The following THSD7A variants were observed in gnomAD, a reference collection of about 807,000 sequenced individuals.
The protein encoded by THSD7A is thrombospondin type-1 domain-containing protein 7A.
A neutral mutation model predicts 231.3 loss-of-function variants in THSD7A; 96 were observed. The observed-to-expected ratio is 0.41, with a 90% CI of 0.35 to 0.49. THSD7A has a LOEUF of 0.49. THSD7A is among the 20% of genes least tolerant of loss of function. THSD7A has a pLI of 0.05. For synonymous variants in THSD7A, 940 were observed against 743.3 expected (o/e 1.26, Z -4.30); for missense variants, 2,290 against 2,070.2 (o/e 1.11, Z -2.06).
intron 1 of THSD7A, among the ~76,000 whole-genome samples, chr7:11,752,127 T>C (rs560972480): frequency 6.6e-6 from 1 of 152,170 alleles, no homozygotes; most frequent in Admixed American, 6.6e-5. Flanking sequence ...CGATTTCTGG[T>C]CAGATCATGA....
chr7:11,647,649 G>T (rs1448173513), intron 1 of THSD7A, among the ~76,000 whole-genome samples: 1 of 152,010 alleles, frequency 6.6e-6, no homozygotes, highest in Non-Finnish European at 1.5e-5. Flanking sequence ...CAAGAAACCA[G>T]GCATCTGCAA....
At chr7:11,810,563 G>T (rs1175480142) in intron 1 of THSD7A, among the ~76,000 whole-genome samples, 3 of 152,152 alleles carry the variant, frequency 2.0e-5, no homozygotes, top group African/African-American at 4.8e-5. Context: ...CAATGCTGCT[G>T]TTACTGTTAT....
At chr7:11,781,161 C>T (rs2128174691) in intron 1 of THSD7A, among the ~76,000 whole-genome samples, 1 of 151,998 alleles carries the variant, frequency 6.6e-6, no homozygotes, top group South Asian at 2.1e-4. Flanking sequence ...TAAAGGGAGG[C>T]CAGGTGCAGT....
At chr7:11,490,782 G>C (rs1447807202) in intron 6 of THSD7A, among the ~76,000 whole-genome samples, 1 of 151,862 alleles carries the variant, frequency 6.6e-6, no homozygotes, top group Non-Finnish European at 1.5e-5. Context: ...TCAAATTCTG[G>C]CTTCCCACTT....
chr7:11,521,423 A>C (rs1388280823), intron 6 of THSD7A, among the ~76,000 whole-genome samples: 1 of 151,430 alleles, frequency 6.6e-6, no homozygotes, highest in Non-Finnish European at 1.5e-5. Context: ...AGAGACACTG[A>C]AGTCACAAGC....
intron 1 of THSD7A, among the ~76,000 whole-genome samples, chr7:11,685,046 A>T (rs562449502): frequency 6.6e-6 from 1 of 152,130 alleles, no homozygotes; most frequent in East Asian, 1.9e-4. Context: ...TTGGAACAGA[A>T]TAGAGGACAC....
At chr7:11,630,479 C>T (rs1420919798) in intron 2 of THSD7A, among the ~76,000 whole-genome samples, 1 of 152,136 alleles carries the variant, frequency 6.6e-6, no homozygotes, top group African/African-American at 2.4e-5. Context: ...TTATAATATT[C>T]ACCCCTTCAT....
rs201432980 is a variant in THSD7A at position 11,474,351 on chromosome 7, G to A, written c.2235C>T (p.Gly745=). ...GCTCTTACTTTTTGGGTCCCACTTG[G>A]CCCACATTGACTCGCACACAGATGA... ...RKVICVRVNV[G]QVGPKKCPES... Residue 745 remains glycine, a synonymous_variant, in exon 8 of 28, where the codon GGC becomes GGT. Coordinates refer to ENST00000423059, the MANE Select transcript of THSD7A (RefSeq NM_015204.3). This position sits in a 1 kb window ranked among gnomAD's most constrained non-coding sequence, Gnocchi z 4.1. The A allele has an allele frequency of 6.2e-7, 1 of 1,611,624 alleles. No individual in the cohort carries two copies. Among genetic ancestry groups the A allele is most frequent in the African/African-American group, 1.3e-5 (1 of 74,836 alleles).
In THSD7A at chr7:11,452,827, G is replaced by T. The variant is rs117115784; in HGVS notation, c.2606-5403C>A. 7.5e-3 allele frequency among the ~76,000 whole-genome samples: 1,147 copies of T among 152,050 alleles called. 7 individuals are homozygous for T. Among genetic ancestry groups the T allele is most frequent in the Non-Finnish European group, 0.013 (872 of 67,964 alleles). On this transcript the variant is annotated intron_variant, in intron 11 of 27. Transcript: ENST00000423059. ...TTAACGAGGATGCTAATATTCATAG[G>T]AAGTTAAACATTTTAAAATATAAAT...
At chr7:11,778,840 A>C (rs1486815338) in intron 1 of THSD7A, among the ~76,000 whole-genome samples, 2 of 152,132 alleles carry the variant, frequency 1.3e-5, no homozygotes, top group African/African-American at 4.8e-5. Context: ...AAATCTATGC[A>C]CAAATAAATG....
At chr7:11,695,586 T>C (rs981509255) in intron 1 of THSD7A, among the ~76,000 whole-genome samples, 1 of 151,504 alleles carries the variant, frequency 6.6e-6, no homozygotes, top group Non-Finnish European at 1.5e-5. Flanking sequence ...TGAACTGAAC[T>C]CATATTATAG....
chr7:11,606,802 C>T (rs2128347084), intron 2 of THSD7A, among the ~76,000 whole-genome samples: 1 of 151,974 alleles, frequency 6.6e-6, no homozygotes, highest in South Asian at 2.1e-4. Context: ...TATTTGTAGG[C>T]TTGTATACTT....
intron 6 of THSD7A, among the ~76,000 whole-genome samples, chr7:11,507,131 C>T (rs1297181395): frequency 6.6e-6 from 1 of 152,128 alleles, no homozygotes; most frequent in Non-Finnish European, 1.5e-5. Flanking sequence ...CAGTGAGGTA[C>T]TATGGACCTT....
At chr7:11,756,942 A>C (rs571479041) in intron 1 of THSD7A, among the ~76,000 whole-genome samples, 79 of 152,124 alleles carry the variant, frequency 5.2e-4, no homozygotes, top group Non-Finnish European at 9.6e-4. Context: ...TTGCATGCTG[A>C]ATTCTGGCAT....
At chr7:11,457,644 G>A (rs550832976) in intron 11 of THSD7A, among the ~76,000 whole-genome samples, 3 of 152,066 alleles carry the variant, frequency 2.0e-5, no homozygotes, top group South Asian at 2.1e-4. Flanking sequence ...ACCACTTATC[G>A]AACAAGGTCT....
At chr7:11,674,568 A>C (rs186417203) in intron 1 of THSD7A, among the ~76,000 whole-genome samples, 1 of 152,310 alleles carries the variant, frequency 6.6e-6, no homozygotes, top group Admixed American at 6.5e-5. Context: ...GCCCATCTGC[A>C]ACAAAGGAAC....
At chr7:11,769,784 T>C (rs1367196641) in intron 1 of THSD7A, among the ~76,000 whole-genome samples, 1 of 152,218 alleles carries the variant, frequency 6.6e-6, no homozygotes, top group African/African-American at 2.4e-5. Context: ...AGTTAAATTC[T>C]AAATAAGAAA....
intron 4 of THSD7A, among the ~76,000 whole-genome samples, chr7:11,585,267 A>T (rs1205129615): frequency 6.6e-6 from 1 of 152,116 alleles, no homozygotes; most frequent in East Asian, 1.9e-4. Flanking sequence ...TTGACATCTC[A>T]CTTTCCATTT....
At chr7:11,539,631 G>C (rs1789058803) in intron 6 of THSD7A, among the ~76,000 whole-genome samples, 1 of 152,074 alleles carries the variant, frequency 6.6e-6, no homozygotes. Flanking sequence ...GTAATTACTT[G>C]TGTTGCAAAA....
Sources: allele counts gnomAD v4.1 joint callset (sites outside exome capture counted in the v4.1 genomes callset), GRCh38; gene constraint gnomAD v4.1.1; non-coding constraint Gnocchi (gnomAD v3.1); transcripts MANE v1.5; gene names NCBI Gene and HGNC (gene_info 2026-07-23, HGNC 2026-07-21).